The following RBBP5 variants were observed in gnomAD, a reference collection of about 807,000 sequenced individuals.
RBBP5 encodes retinoblastoma-binding protein 5.
A neutral mutation model predicts 72.2 loss-of-function variants in RBBP5; 5 were observed. That is an observed-to-expected ratio of 0.07 (90% CI 0.04 to 0.15). RBBP5 has a LOEUF of 0.15. Among genes scored for constraint, RBBP5 ranks in the 10% least tolerant of loss-of-function variants. The pLI is 1.00. For missense variants in RBBP5, 322 were observed against 652.2 expected, an observed-to-expected ratio of 0.49 and a Z score of 5.51; for synonymous variants, 209 against 237.2, an observed-to-expected ratio of 0.88 and a Z score of 1.09.
In RBBP5 at chr1:205,096,684, T is replaced by C. The variant is rs769163356; in HGVS notation, c.1394A>G (p.Asp465Gly). Residue 465 changes from aspartate to glycine, a missense_variant and splice_region_variant, in exon 12 of 14, where the codon GAT (aspartate) becomes GGT (glycine). Physicochemically the swap from Asp to Gly is moderately conservative, Grantham distance 94 (BLOSUM62 -1). Around this residue, in one of 6 missense-constraint regions of RBBP5, gnomAD observed 109 missense variants for 146.3 expected, o/e 0.75. Transcript: ENST00000264515. ...TNIELQGVPN[D>G]EVHPLLGVKG... ...GAGGGAGAAGATGTAGCTCTTACCA[T>C]CATTTGGTACTCCTTGAAGTTCTAT... The C allele has an allele frequency of 6.2e-7, 1 of 1,613,364 alleles. No individual in the cohort carries two copies. The highest frequency in any genetic ancestry group is 8.5e-7 in the Non-Finnish European group (1 of 1,179,524).
intron 5 of RBBP5, 65 bp downstream of exon 5, chr1:205,103,792 C>T (rs1655941193): frequency 1.3e-6 from 2 of 1,550,164 alleles, no homozygotes; most frequent in Middle Eastern, 1.7e-4. Flanking sequence ...TCAAAAGAAA[C>T]AAAACAAGTA....
rs1021006152 is a variant in RBBP5, at chr1:205,086,890, T to C, written c.*1897A>G. On this transcript the variant is annotated 3_prime_UTR_variant, in exon 14 of 14. Transcript: ENST00000264515. ...TGCTGCAGTGTACAGTGCAGAGGAC[T>C]GGAATGGATATAATGTCTGCAAAAC... 2 of 152,184 alleles carry C rather than the reference T, an allele frequency of 1.3e-5. No individual in the cohort carries two copies. Among genetic ancestry groups the C allele is most frequent in the Admixed American group, 6.5e-5 (1 of 15,278 alleles). 9.4% of individuals were successfully genotyped at this position (152,184 alleles called of 1,614,324 possible).
chr1:205,116,952 T>C (rs563791602), intron 1 of RBBP5, among the ~76,000 whole-genome samples: 60 of 152,364 alleles, frequency 3.9e-4, no homozygotes, highest in African/African-American at 1.3e-3. Context: ...GCATTTAGGT[T>C]GCAACAGCAA....
At chr1:205,105,837 G>A (rs2102300654) in intron 3 of RBBP5, among the ~76,000 whole-genome samples, 1 of 152,324 alleles carries the variant, frequency 6.6e-6, no homozygotes, top group East Asian at 1.9e-4. Context: ...GACCAGAAAA[G>A]GACAGCCCAG....
intron 3 of RBBP5, 138 bp downstream of exon 3, chr1:205,114,651 C>T (rs1656452226): frequency 1.2e-6 from 1 of 857,962 alleles, no homozygotes; most frequent in Non-Finnish European, 1.7e-6. Context: ...TCAGGATCTA[C>T]ATAAACCATG....
chr1:205,093,458 C>CCAAAA lies in RBBP5; in HGVS notation c.1588+1414_1588+1415insTTTTG, dbSNP rs1553352080. ...TGGGGACAAGAGTGAAACTCCGTTTCAAAAAAAAAAAAAAAAAAAAAATAT... is the reference window on the plus strand; with the variant it reads ...TGGGGACAAGAGTGAAACTCCGTTTCCAAAAAAAAAAAAAAAAAAAAAAAAAATAT... On this transcript the variant is annotated intron_variant, in intron 13 of 13. Transcript: ENST00000264515. Among the ~76,000 whole-genome samples the CCAAAA allele has an allele frequency of 3.5e-3, 64 of 18,326 alleles. 6 individuals are homozygous for CCAAAA. Among genetic ancestry groups the CCAAAA allele is most frequent in the African/African-American group, 9.1e-3 (28 of 3,080 alleles). The allele number at this position is 18,326 out of a possible 152,430, so 12.0% of individuals were successfully genotyped here.
intron 1 of RBBP5, among the ~76,000 whole-genome samples, chr1:205,117,213 C>A (rs886920256): frequency 6.6e-5 from 10 of 151,962 alleles, no homozygotes; most frequent in Admixed American, 5.2e-4. Flanking sequence ...TGGCACCATG[C>A]CCGGCTAATT....
At chr1:205,110,012 C>A (rs1403439377) in intron 3 of RBBP5, among the ~76,000 whole-genome samples, 1 of 151,958 alleles carries the variant, frequency 6.6e-6, no homozygotes, top group East Asian at 1.9e-4. Context: ...CTTCTGTTCA[C>A]TACCTACTAG....
intron 13 of RBBP5, among the ~76,000 whole-genome samples, chr1:205,092,264 T>C (rs184781849): frequency 1.4e-4 from 22 of 152,310 alleles, no homozygotes; most frequent in African/African-American, 5.3e-4. Context: ...TCTGTGGAAG[T>C]CTTGGAACTA....
chr1:205,089,395 A>G (rs1240294917), intron 13 of RBBP5, among the ~76,000 whole-genome samples: 1 of 152,202 alleles, frequency 6.6e-6, no homozygotes, highest in African/African-American at 2.4e-5. Flanking sequence ...CAATGAAATG[A>G]ACACTTCCCT....
intron 1 of RBBP5, 149 bp from the exon 2 acceptor site, chr1:205,116,032 A>G: frequency 6.6e-7 from 1 of 1,515,882 alleles, no homozygotes; most frequent in South Asian, 1.2e-5. Context: ...CGGATTTTCA[A>G]GATCCTGCTA....
chr1:205,103,805 C>T, intron 5 of RBBP5, 52 bp downstream of exon 5: 9 of 1,571,206 alleles, frequency 5.7e-6, no homozygotes, highest in Non-Finnish European at 7.8e-6. Flanking sequence ...AACAAGTAAA[C>T]ATTAAATGAG....
intron 4 of RBBP5, among the ~76,000 whole-genome samples, chr1:205,104,795 G>A (rs575136448): frequency 6.6e-6 from 1 of 152,162 alleles, no homozygotes; most frequent in Admixed American, 6.5e-5. Context: ...CCAAGATGGC[G>A]CCACTGCACT....
Position 205,115,608 on chromosome 1 carries a change from A to G in RBBP5, c.45+250T>C, listed in dbSNP as rs559176250. On this transcript the variant is annotated intron_variant, in intron 2 of 13. Transcript: ENST00000264515. ...GGTGGTGTTTGTGAAAAATCCTTCA[A>G]TGAAAGTTTTTCTTTTATTTAAAGG... 1.4e-4 allele frequency among the ~76,000 whole-genome samples: 21 copies of G among 152,372 alleles called. 1 individual carries two copies. The South Asian group carries it at 3.1e-3, about 23-fold the overall frequency.
chr1:205,094,443 C>G (rs1655533808), intron 13 of RBBP5, among the ~76,000 whole-genome samples: 1 of 152,172 alleles, frequency 6.6e-6, no homozygotes, highest in African/African-American at 2.4e-5. Flanking sequence ...CTATATAAAA[C>G]AAGCTTGTAC....
intron 2 of RBBP5, 124 bp downstream of exon 2, chr1:205,115,734 A>C (rs1656494194): frequency 8.1e-7 from 1 of 1,242,174 alleles, no homozygotes; most frequent in South Asian, 2.2e-5. Flanking sequence ...ATTATAGCAT[A>C]AGATATATTA....
chr1:205,099,627 C>A lies in RBBP5; in HGVS notation c.978+114G>T. ...CACTGAACCTATGTAATTTAGGTTG[C>A]GAGAATCATATGCAAAAGAAAATAA... On this transcript the variant is annotated intron_variant, in intron 9 of 13. Coordinates refer to ENST00000264515, the MANE Select transcript of RBBP5 (RefSeq NM_005057.4). The surrounding 1 kb of genome is among the most constrained non-coding windows in gnomAD (Gnocchi z 4.7). The A allele has an allele frequency of 8.7e-7, 1 of 1,151,040 alleles. No individual in the cohort carries two copies. The highest frequency in any genetic ancestry group is 1.2e-6 in the Non-Finnish European group (1 of 809,304). The allele number at this position is 1,151,040 out of a possible 1,614,324, so 71.3% of individuals were successfully genotyped here.
At chr1:205,109,832 G>A (rs1574710640) in intron 3 of RBBP5, among the ~76,000 whole-genome samples, 1 of 152,038 alleles carries the variant, frequency 6.6e-6, no homozygotes, top group Non-Finnish European at 1.5e-5. Flanking sequence ...TCTACCTATG[G>A]CCCCCATCCA....
chr1:205,103,263 A>G (rs1282444017), intron 5 of RBBP5, among the ~76,000 whole-genome samples: 1 of 151,850 alleles, frequency 6.6e-6, no homozygotes, highest in African/African-American at 2.4e-5. Flanking sequence ...CCTTTCTAAA[A>G]TAGCCATGAA....
Sources: allele counts gnomAD v4.1 joint callset (sites outside exome capture counted in the v4.1 genomes callset), GRCh38; gene constraint gnomAD v4.1.1; regional missense constraint gnomAD v4.1.1; non-coding constraint Gnocchi (gnomAD v3.1); transcripts MANE v1.5; gene names NCBI Gene and HGNC (gene_info 2026-07-23, HGNC 2026-07-21).